The following C1orf105 variants were observed in gnomAD, a reference collection of about 807,000 sequenced individuals.
The protein encoded by C1orf105 is uncharacterized protein C1orf105.
In C1orf105, 17 loss-of-function variants were observed where a neutral mutation model predicts 20.8. The observed-to-expected ratio is 0.82, with a 90% CI of 0.56 to 1.23. The LOEUF is 1.23. C1orf105 is among the 50% of genes most tolerant of loss of function. The pLI is 0.00. For synonymous variants in C1orf105, 72 were observed against 72.1 expected (o/e 1.00, Z 0.01); for missense variants, 219 against 213.5 (o/e 1.03, Z -0.16).
Position 172,420,779 on chromosome 1 carries a change from CT to C in C1orf105, c.-104del. The C allele has an allele frequency of 8.6e-7, 1 of 1,157,980 alleles. No individual in the cohort carries two copies. Among genetic ancestry groups the C allele is most frequent in the Non-Finnish European group, 1.3e-6 (1 of 792,676 alleles). 71.7% of individuals were successfully genotyped at this position (1,157,980 alleles called of 1,614,324 possible). On this transcript the variant is annotated 5_prime_UTR_variant, in exon 1 of 7. Coordinates refer to ENST00000367727, the MANE Select transcript of C1orf105 (RefSeq NM_139240.4). ...TTACTTCGTCTCCTAACAAAAAACA[CT>C]TTGGATTCAGGTTCTCCACAGCAGT...
At chr1:172,441,370 C>T (rs1334419897) in intron 1 of C1orf105, 2 of 168,102 alleles carry the variant, frequency 1.2e-5, no homozygotes, top group Admixed American at 6.2e-5. Context: ...CACACACACA[C>T]ACACACACAC....
chr1:172,445,766 G>A (rs144974849), intron 2 of C1orf105, among the ~76,000 whole-genome samples: 1 of 152,288 alleles, frequency 6.6e-6, no homozygotes, highest in East Asian at 1.9e-4. Flanking sequence ...ACTCTGGGAA[G>A]GGGACATGGA....
In C1orf105 at chr1:172,442,117, T is replaced by C. The variant is rs749852557; in HGVS notation, c.22-2956T>C. 9.3e-6 allele frequency: 15 copies of C among 1,614,048 alleles called. No individual in the cohort carries two copies. The East Asian group carries it at 1.1e-4, about 12-fold the overall frequency. On this transcript the variant is annotated intron_variant, in intron 1 of 6. Coordinates refer to ENST00000367727, the MANE Select transcript of C1orf105 (RefSeq NM_139240.4). ...TAGTGTGCTGGATACAATGGCAGCA[T>C]TGGCACCATAGTCAAAAAAGATGAG...
chr1:172,463,912 A>T (rs968606522), intron 5 of C1orf105, among the ~76,000 whole-genome samples: 4 of 152,202 alleles, frequency 2.6e-5, no homozygotes, highest in African/African-American at 9.7e-5. Flanking sequence ...TCTGTGTGAG[A>T]CTTAGCTAGA....
chr1:172,449,935 T>A (rs1648427597), intron 3 of C1orf105, among the ~76,000 whole-genome samples: 1 of 152,154 alleles, frequency 6.6e-6, no homozygotes, highest in Non-Finnish European at 1.5e-5. Context: ...TTGTTCTGGG[T>A]CTCTGTACTG....
At chr1:172,443,819 G>A (rs917684012) in intron 1 of C1orf105, 4 of 306,054 alleles carry the variant, frequency 1.3e-5, no homozygotes, top group Non-Finnish European at 2.0e-5. Flanking sequence ...AGGGGACGGG[G>A]TAGGGTAGGG....
At chr1:172,452,649 C>A in intron 3 of C1orf105, 1 of 403,028 alleles carries the variant, frequency 2.5e-6, no homozygotes, top group Non-Finnish European at 3.4e-6. Flanking sequence ...CCCTTAGACA[C>A]CGCAGCAGAT....
In C1orf105 at chr1:172,429,305, C is replaced by T. The variant is rs573301832; in HGVS notation, c.21+8399C>T. Among the ~76,000 whole-genome samples the T allele has an allele frequency of 5.5e-4, 84 of 152,296 alleles. No individual in the cohort carries two copies. The Middle Eastern group carries it at 0.017, about 31-fold the overall frequency. On this transcript the variant is annotated intron_variant, in intron 1 of 6. Transcript: ENST00000367727. ...AACGTGCATAGCACGTTACCTAGCA[C>T]GCATTGGGTGCTCTAAAATACAGGT... is the stretch of plus-strand genomic sequence containing the variant.
intron 1 of C1orf105, among the ~76,000 whole-genome samples, chr1:172,436,829 T>G (rs1255388934): frequency 6.6e-6 from 1 of 152,188 alleles, no homozygotes; most frequent in Non-Finnish European, 1.5e-5. Context: ...AGAAAATTTT[T>G]GCAATCTACC....
At chr1:172,444,564 AGAG>A (rs1426314131) in intron 1 of C1orf105, among the ~76,000 whole-genome samples, 1 of 152,214 alleles carries the variant, frequency 6.6e-6, no homozygotes, top group Non-Finnish European at 1.5e-5. Context: ...CCCCCCTCAA[AGAG>A]GACAAATCTA....
chr1:172,466,150 A>C (rs556175392), intron 6 of C1orf105, among the ~76,000 whole-genome samples: 1 of 152,354 alleles, frequency 6.6e-6, no homozygotes, highest in Non-Finnish European at 1.5e-5. Context: ...AACTAGAGCC[A>C]GAACTGAAAA....
At chr1:172,453,098 T>C (rs1648837990) in intron 3 of C1orf105, 6 of 1,550,778 alleles carry the variant, frequency 3.9e-6, no homozygotes, top group Admixed American at 2.0e-5. Flanking sequence ...CACAGCTGCC[T>C]TCCACGACTC....
At chr1:172,425,981 C>T (rs1393066563) in intron 1 of C1orf105, among the ~76,000 whole-genome samples, 4 of 151,970 alleles carry the variant, frequency 2.6e-5, no homozygotes, top group Non-Finnish European at 4.4e-5. Context: ...ATCCAAGAAC[C>T]CCTGGATTCT....
Position 172,420,878 on chromosome 1 carries a change from T to C in C1orf105, c.-8T>C, listed in dbSNP as rs766344441. On this transcript the variant is annotated 5_prime_UTR_variant, in exon 1 of 7. Transcript: ENST00000367727. ...TAGAAAAACTCAGAACATCTAAAGA[T>C]CTGAAAGATGGAAAAAAGAGAACTA... The C allele has an allele frequency of 9.3e-6, 15 of 1,611,666 alleles. No individual in the cohort carries two copies. The highest frequency in any genetic ancestry group is 1.6e-4 in the Middle Eastern group (1 of 6,068).
intron 3 of C1orf105, among the ~76,000 whole-genome samples, chr1:172,454,248 C>A (rs1024792570): frequency 1.3e-5 from 2 of 152,002 alleles, no homozygotes; most frequent in African/African-American, 2.4e-5. Flanking sequence ...AGTACAAATT[C>A]CACTTCTAGG....
chr1:172,422,783 C>A (rs893365723), intron 1 of C1orf105, among the ~76,000 whole-genome samples: 1 of 151,936 alleles, frequency 6.6e-6, no homozygotes, highest in Non-Finnish European at 1.5e-5. Context: ...ACTTTCCTGG[C>A]AGCATCCAAC....
chr1:172,452,754 A>C lies in C1orf105; in HGVS notation c.199-3661A>C, dbSNP rs1446856583. 1.2e-5 allele frequency: 16 copies of C among 1,295,180 alleles called. No individual in the cohort carries two copies. The East Asian group carries it at 5.6e-4, about 45-fold the overall frequency. 80.2% of individuals were successfully genotyped at this position (1,295,180 alleles called of 1,614,324 possible). A position where few individuals can be genotyped will look rare whatever the true frequency, so the allele number is the denominator to read the frequency against. The stretch of plus-strand genomic sequence containing the variant: ...CTGCATCATACCTTGGCCAGGCTAC[A>C]CATAGGTTGCTGTCACTCTCCTGTC... On this transcript the variant is annotated intron_variant, in intron 3 of 6. Transcript: ENST00000367727.
At chr1:172,460,419 A>C (rs1053602969) in intron 4 of C1orf105, among the ~76,000 whole-genome samples, 6 of 152,016 alleles carry the variant, frequency 3.9e-5, no homozygotes, top group African/African-American at 1.4e-4. Context: ...GTGTTTCATC[A>C]TGTCTCTGCT....
chr1:172,458,349 C>T (rs2149188225), intron 4 of C1orf105, among the ~76,000 whole-genome samples: 1 of 152,244 alleles, frequency 6.6e-6, no homozygotes, highest in East Asian at 1.9e-4. Context: ...ACTATTAGAG[C>T]TAATAAATGA....
Sources: gnomAD v4.1 joint callset for allele counts (sites outside exome capture counted in the v4.1 genomes callset) on GRCh38, gnomAD v4.1.1 for gene constraint, MANE v1.5 for transcripts, NCBI Gene and HGNC (gene_info 2026-07-23, HGNC 2026-07-21) for gene names.